Variants in RANBP2 observed in about 807,000 individuals in gnomAD.
The protein encoded by RANBP2 is RAN binding protein 2, also known as E3 SUMO-protein ligase RanBP2.
RANBP2 carries 57 observed loss-of-function variants against 303.6 expected under a neutral mutation model. The ratio of observed to expected loss-of-function variants is 0.19; its 90% confidence interval spans 0.15 to 0.23. The LOEUF is 0.23. RANBP2 is among the 10% of genes least tolerant of loss of function. RANBP2 has a pLI of 1.00. For missense variants in RANBP2, 3,138 were observed against 3,780.8 expected (o/e 0.83, Z 4.46); for synonymous variants, 1,167 against 1,301.5 (o/e 0.90, Z 2.23).
chr2:108,950,672 G>A, the RANBP2 span, among the ~76,000 whole-genome samples: 1 of 152,210 alleles, frequency 6.6e-6, no homozygotes. Flanking sequence ...TGTTGGAGCT[G>A]CCCTCAGCCT....
chr2:108,779,874 A>G (rs1264980130), intron 25 of RANBP2, among the ~76,000 whole-genome samples: 2 of 152,206 alleles, frequency 1.3e-5, no homozygotes, highest in East Asian at 1.9e-4. Context: ...CAAGAAATCT[A>G]CATTCCAGCA....
the RANBP2 span, among the ~76,000 whole-genome samples, chr2:109,631,763 A>G: frequency 1.3e-5 from 2 of 150,278 alleles, no homozygotes; most frequent in Admixed American, 1.3e-4. Flanking sequence ...TCTAAAAAAA[A>G]AAGAAAAAGA....
At chr2:109,106,608 G>T in the RANBP2 span, among the ~76,000 whole-genome samples, 12 of 152,226 alleles carry the variant, frequency 7.9e-5, no homozygotes, top group East Asian at 1.9e-3. Context: ...AGGCTAAGAT[G>T]GGTGGATCAT....
the RANBP2 span, among the ~76,000 whole-genome samples, chr2:109,718,419 T>G: frequency 6.6e-6 from 1 of 152,174 alleles, no homozygotes; most frequent in Non-Finnish European, 1.5e-5. Context: ...TGCTACAACA[T>G]GGATGAACTT....
At chr2:109,243,919 C>A in the RANBP2 span, among the ~76,000 whole-genome samples, 6 of 152,124 alleles carry the variant, frequency 3.9e-5, no homozygotes, top group Non-Finnish European at 8.8e-5. Context: ...GCTTAGACAC[C>A]AGAAGAGCTC....
the RANBP2 span, among the ~76,000 whole-genome samples, chr2:109,325,660 C>T: frequency 6.6e-6 from 1 of 152,178 alleles, no homozygotes; most frequent in Non-Finnish European, 1.5e-5. Flanking sequence ...CAGCACTGAT[C>T]GCTAGAAGGT....
At chr2:109,209,610 T>A in the RANBP2 span, among the ~76,000 whole-genome samples, 1 of 152,136 alleles carries the variant, frequency 6.6e-6, no homozygotes, top group Non-Finnish European at 1.5e-5. Context: ...CACTCCCTGC[T>A]GTGTAGGTGG....
At chr2:109,302,372 T>C in the RANBP2 span, among the ~76,000 whole-genome samples, 44,259 of 152,252 alleles carry the variant, frequency 0.29, 8,808 homozygotes, top group African/African-American at 0.56. Flanking sequence ...AAATGCTTGC[T>C]GCTTCTGTTC....
chr2:109,294,152 G>A, the RANBP2 span, among the ~76,000 whole-genome samples: 1 of 152,162 alleles, frequency 6.6e-6, no homozygotes, highest in South Asian at 2.1e-4. Context: ...TACTCTGCCC[G>A]AAAGTCTTTC....
At position 108,751,244 on chromosome 2, in the gene RANBP2, A is replaced by G. The variant is rs778802331; in HGVS notation, c.1274-20A>G. On this transcript the variant is annotated intron_variant, in intron 9 of 28. Transcript: ENST00000283195. Reference sequence around the variant, plus strand: ...GGAAAAATTTCAAACCCTTAAGCCAATTTTTTAATTTTATTTCAGGTGCTA... The same window carrying G: ...GGAAAAATTTCAAACCCTTAAGCCAGTTTTTTAATTTTATTTCAGGTGCTA... 6 of 1,611,820 alleles carry G rather than the reference A, an allele frequency of 3.7e-6. No homozygotes were observed. The highest frequency in any genetic ancestry group is 1.3e-5 in the African/African-American group (1 of 74,834).
At chr2:108,877,186 G>T in the RANBP2 span, among the ~76,000 whole-genome samples, 1 of 152,134 alleles carries the variant, frequency 6.6e-6, no homozygotes, top group African/African-American at 2.4e-5. Context: ...AAATGCAGAA[G>T]GCCAGGCGCG....
chr2:109,135,673 G>GGT, the RANBP2 span, among the ~76,000 whole-genome samples: 2 of 151,868 alleles, frequency 1.3e-5, no homozygotes, highest in African/African-American at 4.8e-5. Context: ...TGCATGGGGG[G>GGT]GTGTGTGTGT....
the RANBP2 span, among the ~76,000 whole-genome samples, chr2:109,488,384 C>T: frequency 2.6e-5 from 4 of 152,242 alleles, no homozygotes; most frequent in Non-Finnish European, 5.9e-5. Context: ...TCATCAAGAA[C>T]TCTTGCTGTG....
the RANBP2 span, among the ~76,000 whole-genome samples, chr2:109,721,436 A>C: frequency 6.6e-6 from 1 of 152,214 alleles, no homozygotes; most frequent in Non-Finnish European, 1.5e-5. Context: ...AAAAATAATG[A>C]GATCAGGGAT....
At chr2:109,585,125 C>A in the RANBP2 span, 6 of 1,550,282 alleles carry the variant, frequency 3.9e-6, no homozygotes, top group Non-Finnish European at 5.2e-6. Context: ...AAAACACATA[C>A]CTCTCTTCTT....
At chr2:109,470,339 A>T in the RANBP2 span, among the ~76,000 whole-genome samples, 1 of 152,284 alleles carries the variant, frequency 6.6e-6, no homozygotes, top group South Asian at 2.1e-4. Context: ...CTCCTGCTCC[A>T]TCTGGAAAAG....
chr2:109,287,186 A>G, the RANBP2 span, among the ~76,000 whole-genome samples: 1 of 152,188 alleles, frequency 6.6e-6, no homozygotes, highest in South Asian at 2.1e-4. Flanking sequence ...AGAATTTTGC[A>G]TCCAAAATTT....
chr2:109,000,910 T>C, the RANBP2 span, among the ~76,000 whole-genome samples: 2 of 152,116 alleles, frequency 1.3e-5, no homozygotes, highest in Admixed American at 1.3e-4. Flanking sequence ...ACGAGACTGT[T>C]GGGTCAGAGT....
chr2:109,055,299 G>A, the RANBP2 span, among the ~76,000 whole-genome samples: 1,819 of 150,938 alleles, frequency 0.012, 40 homozygotes, highest in African/African-American at 0.041. Context: ...TATATGTATC[G>A]TTAATAGTCT....
Sources: gnomAD v4.1 joint callset for allele counts (sites outside exome capture counted in the v4.1 genomes callset) on GRCh38, gnomAD v4.1.1 for gene constraint, MANE v1.5 for transcripts, NCBI Gene and HGNC (gene_info 2026-07-23, HGNC 2026-07-21) for gene names.